PROSER1: variants seen among roughly 807,000 people sequenced by gnomAD.
PROSER1 encodes the protein proline and serine rich 1, also known as proline and serine-rich protein 1.
Under a neutral mutation model 71.8 loss-of-function variants are expected in PROSER1, and 36 were observed. The ratio of observed to expected loss-of-function variants is 0.50; its 90% CI spans 0.38 to 0.66. The LOEUF is 0.66. Among genes scored for constraint, PROSER1 ranks in the 30% least tolerant of loss-of-function variants. The pLI, the probability that PROSER1 is intolerant of heterozygous loss-of-function variation, is 0.00. For missense variants in PROSER1, 1,107 were observed against 1,135.0 expected, an observed-to-expected ratio of 0.98 and a Z score of 0.35; for synonymous variants, 490 against 452.4, an observed-to-expected ratio of 1.08 and a Z score of -1.06.
Position 39,029,269 on chromosome 13 carries a change from A to AT in PROSER1, c.275+11_275+12insA. The AT allele has an allele frequency of 3.8e-6, 5 of 1,300,296 alleles. No homozygotes were observed. Among genetic ancestry groups the AT allele is most frequent in the Non-Finnish European group, 5.2e-6 (5 of 958,374 alleles). The allele number at this position is 1,300,296 out of a possible 1,614,324, so 80.5% of individuals were successfully genotyped here. ...AAGTAAAAAAAAAAAAAAAAAAAAA[A>AT]GAAATACTTACGAGGCTAACAGTTC... On this transcript the variant is annotated intron_variant, in intron 4 of 12. Coordinates refer to ENST00000352251, the MANE Select transcript of PROSER1 (RefSeq NM_025138.5).
Position 39,024,482 on chromosome 13 carries a change from T to C in PROSER1, c.555A>G (p.Pro185=). 6.2e-7 allele frequency: 1 copy of C among 1,609,960 alleles called. No individual in the cohort carries two copies. The highest frequency in any genetic ancestry group is 8.5e-7 in the Non-Finnish European group (1 of 1,177,426). Residue 185 remains proline (P), a synonymous_variant, in exon 7 of 13, where the codon CCA becomes CCG. Coordinates refer to ENST00000352251, the MANE Select transcript of PROSER1 (RefSeq NM_025138.5). ...CATTTTCTAAACATACTGGTTTGGATGGCCCAAGAATTCGTGCAGCTATTC... is the reference window on the plus strand; with the variant it reads ...CATTTTCTAAACATACTGGTTTGGACGGCCCAAGAATTCGTGCAGCTATTC... ...GKGIAARILG[P]SKPPPSTYNP... is the part of the protein sequence containing the mutation.
At chr13:39,024,601 A>C (rs755610806) in intron 6 of PROSER1, 45 bp from the exon 7 acceptor site, 117 of 1,391,206 alleles carry the variant, frequency 8.4e-5, no homozygotes, top group East Asian at 2.9e-4. Context: ...TAAAAAAAAA[A>C]CCCTCAAACC....
At chr13:39,032,361 T>A (rs910008245) in intron 2 of PROSER1, among the ~76,000 whole-genome samples, 1 of 152,018 alleles carries the variant, frequency 6.6e-6, no homozygotes, top group Non-Finnish European at 1.5e-5. Context: ...AGGGAAGCAT[T>A]ATGAGATAGC....
Position 39,034,210 on chromosome 13 carries a change from ACAC to A in PROSER1, c.46-17_46-15del. 2 of 1,496,642 alleles carry A rather than the reference ACAC, an allele frequency of 1.3e-6. No individual in the cohort carries two copies. The highest frequency in any genetic ancestry group is 1.8e-6 in the Non-Finnish European group (2 of 1,102,718). The allele number at this position is 1,496,642 out of a possible 1,614,324, so 92.7% of individuals were successfully genotyped here. Reference sequence around the variant, plus strand: ...TGTCAAAACAGCCTAAAAAAAAAAAACACACACACACAGAGTAAAACAGCATTA... The same window carrying A: ...TGTCAAAACAGCCTAAAAAAAAAAAAACACACACAGAGTAAAACAGCATTA... On this transcript the variant is annotated splice_polypyrimidine_tract_variant and intron_variant, in intron 1 of 12. Transcript: ENST00000352251.
chr13:39,024,691 G>A, intron 6 of PROSER1, 135 bp from the exon 7 acceptor site: 1 of 642,166 alleles, frequency 1.6e-6, no homozygotes, highest in South Asian at 2.1e-5. Flanking sequence ...TCCCATTTCA[G>A]TTCTGCACTG....
Position 39,030,725 on chromosome 13 carries a change from C to T in PROSER1, c.180+838G>A, listed in dbSNP as rs1038882018. ...TTACAGGCTTGGCCACCACCCCAAG[C>T]CCCTTATCAATATTTCTTACAGAGC... On this transcript the variant is annotated intron_variant, in intron 3 of 12. Transcript: ENST00000352251. Among the ~76,000 whole-genome samples, 3 of 152,096 alleles carry T rather than the reference C, an allele frequency of 2.0e-5. No homozygotes were observed. In the East Asian group the frequency reaches 5.8e-4, roughly 29 times the overall value.
Position 39,014,202 on chromosome 13 carries a change from G to A in PROSER1, c.1050C>T (p.Ile350=). Residue 350 remains isoleucine (I), a synonymous_variant, in exon 11 of 13, where the codon ATC becomes ATT. Transcript: ENST00000352251. The stretch of plus-strand genomic sequence containing the variant: ...GAACAGGAGTGGTGGTTGTACTGTG[G>A]ATGGATGTAACAGGTGCAGTGGGCA... ...PSLPTAPVTS[I]HSTTTTPVPS... 1 of 1,614,202 alleles carries A rather than the reference G, an allele frequency of 6.2e-7. No homozygotes were observed. Among genetic ancestry groups the A allele is most frequent in the Non-Finnish European group, 8.5e-7 (1 of 1,180,048 alleles).
At chr13:39,017,416 C>T in intron 10 of PROSER1, 84 bp downstream of exon 10, 1 of 854,452 alleles carries the variant, frequency 1.2e-6, no homozygotes, top group East Asian at 2.7e-5. Context: ...ATAACCATTC[C>T]AAATATACTC....
In PROSER1 at chr13:39,013,360, C is replaced by A; in HGVS notation, c.1892G>T (p.Gly631Val). Residue 631 changes from glycine to valine, a missense_variant, in exon 11 of 13, where the codon GGC becomes GTC. Coordinates refer to ENST00000352251, the MANE Select transcript of PROSER1 (RefSeq NM_025138.5). ...CAATGTCCCTGACAAACCTAAAGTG[C>A]CATGAGAGGGATTCCCAGAATGAGA... The part of the protein sequence containing the change: ...GPSHSGNPSH[G>V]TLGLSGTLGR... The A allele has an allele frequency of 2.5e-6, 4 of 1,614,110 alleles. No individual in the cohort carries two copies. Among genetic ancestry groups the A allele is most frequent in the Non-Finnish European group, 3.4e-6 (4 of 1,180,022 alleles).
At chr13:39,031,245 T>A (rs577974616) in intron 3 of PROSER1, among the ~76,000 whole-genome samples, 7 of 152,338 alleles carry the variant, frequency 4.6e-5, no homozygotes, top group African/African-American at 1.4e-4. Context: ...ATAACTCTTC[T>A]AAGACTAAAT....
At chr13:39,011,961 G>T in intron 12 of PROSER1, 122 bp downstream of exon 12, 1 of 1,010,100 alleles carries the variant, frequency 9.9e-7, no homozygotes, top group Non-Finnish European at 1.5e-6. Flanking sequence ...AAATCTCTAT[G>T]CATTCTGCTA....
chr13:39,013,695 A>AT lies in PROSER1; in HGVS notation c.1556dup (p.Tyr519Ter). 11 of 1,614,214 alleles carry AT rather than the reference A, an allele frequency of 6.8e-6. No individual in the cohort carries two copies. The highest frequency in any genetic ancestry group is 8.5e-6 in the Non-Finnish European group (10 of 1,180,028). ...GTGGGGTAGGGATGGCTGATGGGGCATAGCACTTGTTAGGGGCTGAAGCAG... is the reference window on the plus strand; with the variant it reads ...GTGGGGTAGGGATGGCTGATGGGGCATTAGCACTTGTTAGGGGCTGAAGCAG... ...DSSASAPNKCYAPSAIPTPQR... is the reference protein window; with the variant it reads ...DSSASAPNKC The change falls in exon 11 of 13, where the codon TAT becomes TAAT. Residue 519 changes from tyrosine to a stop codon, truncating the protein, a stop_gained and frameshift_variant. Coordinates refer to ENST00000352251, the MANE Select transcript of PROSER1 (RefSeq NM_025138.5). LOFTEE classifies it high-confidence loss of function.
Position 39,013,188 on chromosome 13 carries a change from A to G in PROSER1, c.2064T>C (p.Thr688=), listed in dbSNP as rs140533339. ...SISLPPHGSS[T]PIAPVFTALP... ...GAGCAGTGAATACTGGTGCAATGGG[A>G]GTGGAGGAACCATGTGGTGGAAGGG... Residue 688 remains threonine (T), a synonymous_variant, in exon 11 of 13, where the codon ACT becomes ACC. Coordinates refer to ENST00000352251, the MANE Select transcript of PROSER1 (RefSeq NM_025138.5). 2.8e-4 allele frequency: 450 copies of G among 1,613,904 alleles called. 1 individual carries two copies. The highest frequency in any genetic ancestry group is 6.6e-4 in the Middle Eastern group (4 of 6,084).
chr13:39,028,314 A>C lies in PROSER1; in HGVS notation c.282T>G (p.Ile94Met). The C allele has an allele frequency of 6.3e-7, 1 of 1,577,712 alleles. No homozygotes were observed. Among genetic ancestry groups the C allele is most frequent in the Non-Finnish European group, 8.7e-7 (1 of 1,148,284 alleles). ...TAGGACGAGAATTCTGTGCATCAAT[A>C]ATGTTCCTACCAAGAAAACACAATT... is the stretch of plus-strand genomic sequence containing the variant. ...LVALELLASN[I>M]IDAQNSRPIE... The change falls in exon 5 of 13, where the codon ATT becomes ATG. Residue 94 changes from isoleucine to methionine, a missense_variant. Ile to Met is a conservative substitution (Grantham distance 10). Coordinates refer to ENST00000352251, the MANE Select transcript of PROSER1 (RefSeq NM_025138.5).
intron 10 of PROSER1, 137 bp from the exon 11 acceptor site, chr13:39,014,613 T>A: frequency 1.5e-6 from 1 of 675,362 alleles, no homozygotes; most frequent in South Asian, 2.0e-5. Flanking sequence ...GCTCTTGTAA[T>A]ATCTAAATTG....
At position 39,029,247 on chromosome 13, in the gene PROSER1, T is replaced by TAAAAAA. The variant is rs34146778; in HGVS notation, c.275+28_275+33dup. ...AAACGCTTCTACATTTTTTCCCAAG[T>TAAAAAA]AAAAAAAAAAAAAAAAAAAAAAGAA... On this transcript the variant is annotated intron_variant, in intron 4 of 12. Coordinates refer to ENST00000352251, the MANE Select transcript of PROSER1 (RefSeq NM_025138.5). 8.6e-4 allele frequency: 643 copies of TAAAAAA among 743,746 alleles called. 9 individuals carry two copies. In the African/African-American group the frequency reaches 0.014, roughly 16 times the overall value. 46.1% of individuals were successfully genotyped at this position (743,746 alleles called of 1,614,324 possible).
Position 39,011,400 on chromosome 13 carries a change from A to G in PROSER1, c.2800T>C (p.Leu934=). ...YPSAPGTPFS[L]QPSLSQSGWQ ...CCACTCTGGGACAGGCTTGGTTGCA[A>G]AGAAAATGGTGTTCCTGGCGCTGAA... is the stretch of plus-strand genomic sequence containing the variant. Residue 934 remains leucine (L), a synonymous_variant, in exon 13 of 13, where the codon TTG becomes CTG. Transcript: ENST00000352251. The G allele has an allele frequency of 6.2e-7, 1 of 1,614,172 alleles. No homozygotes were observed. Among genetic ancestry groups the G allele is most frequent in the African/African-American group, 1.3e-5 (1 of 75,044 alleles).
rs2138106435 is a variant in PROSER1 at position 39,017,475 on chromosome 13, T to C, written c.775+25A>G. On this transcript the variant is annotated intron_variant, in intron 10 of 12. Coordinates refer to ENST00000352251, the MANE Select transcript of PROSER1 (RefSeq NM_025138.5). ...AGCAAACCATGACAGATATCCGTTATCTCTGGATCAAATTTGCTACTTACT... is the reference window on the plus strand; with the variant it reads ...AGCAAACCATGACAGATATCCGTTACCTCTGGATCAAATTTGCTACTTACT... The C allele has an allele frequency of 2.1e-6, 3 of 1,446,940 alleles. No individual in the cohort carries two copies. In the East Asian group the frequency reaches 6.9e-5, roughly 33 times the overall value. The allele number at this position is 1,446,940 out of a possible 1,614,324, so 89.6% of individuals were successfully genotyped here.
chr13:39,032,811 T>C (rs1398309255), intron 2 of PROSER1, among the ~76,000 whole-genome samples: 2 of 152,200 alleles, frequency 1.3e-5, no homozygotes, highest in African/African-American at 2.4e-5. Flanking sequence ...TTAATAAACT[T>C]TGTAATGACT....
Sources: gnomAD v4.1 joint callset for allele counts (sites outside exome capture counted in the v4.1 genomes callset) on GRCh38, gnomAD v4.1.1 for gene constraint, MANE v1.5 for transcripts, NCBI Gene and HGNC (gene_info 2026-07-23, HGNC 2026-07-21) for gene names.